The following SNAP23 variants were observed in gnomAD, a reference collection of about 807,000 sequenced individuals.
SNAP23 encodes the protein synaptosome associated protein 23, also known as synaptosomal-associated protein 23.
SNAP23 carries 11 observed loss-of-function variants against 29.0 expected under a neutral mutation model. That is an observed-to-expected ratio of 0.38 (90% CI 0.24 to 0.63). SNAP23 has a LOEUF of 0.63. Among genes scored for constraint, SNAP23 ranks in the 20% least tolerant of loss-of-function variants. The probability of loss-of-function intolerance (pLI) is 0.58; values close to 1 mark genes in which losing one functional copy is unlikely to be tolerated. For synonymous variants in SNAP23, 60 were observed against 82.9 expected, an observed-to-expected ratio of 0.72 and a Z score of 1.50; for missense variants, 220 against 253.9, an observed-to-expected ratio of 0.87 and a Z score of 0.91.
At chr15:42,499,071 TC>T (rs916390545) in intron 1 of SNAP23, among the ~76,000 whole-genome samples, 18 of 151,514 alleles carry the variant, frequency 1.2e-4, no homozygotes, top group African/African-American at 4.1e-4. Flanking sequence ...AAAGGTCACA[TC>T]TTTTTTTTTT....
chr15:42,523,789 CT>C (rs1014753429), intron 5 of SNAP23, among the ~76,000 whole-genome samples: 5 of 151,876 alleles, frequency 3.3e-5, no homozygotes, highest in East Asian at 1.9e-4. Flanking sequence ...AATGCTGTTA[CT>C]TTTTTGTTTT....
chr15:42,500,973 A>T (rs1385135576), intron 1 of SNAP23, among the ~76,000 whole-genome samples: 1 of 152,188 alleles, frequency 6.6e-6, no homozygotes, highest in African/African-American at 2.4e-5. Context: ...TCTGTAACTT[A>T]GATGTAAAGT....
intron 1 of SNAP23, among the ~76,000 whole-genome samples, chr15:42,497,977 C>T (rs2141496735): frequency 6.6e-6 from 1 of 152,328 alleles, no homozygotes; most frequent in South Asian, 2.1e-4. Flanking sequence ...TCTCCTTAGA[C>T]TCCATGTCTC....
intron 5 of SNAP23, among the ~76,000 whole-genome samples, chr15:42,516,679 T>C (rs1208401072): frequency 6.6e-6 from 1 of 152,190 alleles, no homozygotes; most frequent in Non-Finnish European, 1.5e-5. Context: ...TTTCATCCAG[T>C]TCTCAGCTGG....
chr15:42,514,851 A>G (rs558825012), intron 4 of SNAP23, among the ~76,000 whole-genome samples: 1 of 152,006 alleles, frequency 6.6e-6, no homozygotes, highest in East Asian at 1.9e-4. Context: ...TACGGCACCC[A>G]TCACCACACC....
chr15:42,493,437 C>A (rs1189427615), upstream of SNAP23, among the ~76,000 whole-genome samples: 1 of 151,986 alleles, frequency 6.6e-6, no homozygotes, highest in Non-Finnish European at 1.5e-5. Context: ...GTAGTACCCA[C>A]CCCCGTTTCC....
chr15:42,529,814 GA>G lies in SNAP23; in HGVS notation c.566del (p.Asp189AlafsTer41). On this transcript the variant is annotated frameshift_variant, in exon 7 of 8. Coordinates refer to ENST00000249647, the MANE Select transcript of SNAP23 (RefSeq NM_003825.4). LOFTEE classifies it high-confidence loss of function. ...AAATCCACAAATAAAACGAATCACA[GA>G]CAAGGTAAAAGCTTTTTATTGCCAC... ...AQNPQIKRITDKADTNRDRID... is the reference protein window; with the variant it reads ...AQNPQIKRITXKADTNRDRID... 1 of 1,611,270 alleles carries G rather than the reference GA, an allele frequency of 6.2e-7. No homozygotes were observed. The highest frequency in any genetic ancestry group is 8.5e-7 in the Non-Finnish European group (1 of 1,179,382).
chr15:42,497,308 A>G (rs890867506), intron 1 of SNAP23, among the ~76,000 whole-genome samples: 2 of 149,942 alleles, frequency 1.3e-5, no homozygotes, highest in Admixed American at 1.3e-4. Flanking sequence ...TCCCAGGGTC[A>G]AGCAATTCTT....
At chr15:42,531,368 TAG>T (rs1414796087) in intron 7 of SNAP23, 43 bp from the exon 8 acceptor site, 3 of 1,327,472 alleles carry the variant, frequency 2.3e-6, no homozygotes, top group Non-Finnish European at 3.0e-6. Flanking sequence ...TAATTTTTAT[TAG>T]AGTTACTTAC....
intron 5 of SNAP23, among the ~76,000 whole-genome samples, chr15:42,526,275 T>G (rs2057501731): frequency 6.6e-6 from 1 of 152,220 alleles, no homozygotes; most frequent in Admixed American, 6.5e-5. Context: ...ATGTGAATAT[T>G]TATTTTAAAA....
At chr15:42,529,919 C>A in intron 7 of SNAP23, 100 bp downstream of exon 7, 1 of 1,286,536 alleles carries the variant, frequency 7.8e-7, no homozygotes, top group Non-Finnish European at 1.1e-6. Flanking sequence ...GTAGAATAAG[C>A]TCCTGTCCTC....
At chr15:42,522,381 T>C (rs568793709) in intron 5 of SNAP23, among the ~76,000 whole-genome samples, 1 of 152,342 alleles carries the variant, frequency 6.6e-6, no homozygotes, top group African/African-American at 2.4e-5. Context: ...AATACAAAAC[T>C]AACTAATATT....
intron 5 of SNAP23, among the ~76,000 whole-genome samples, chr15:42,515,848 A>G (rs1459767753): frequency 2.6e-5 from 4 of 152,242 alleles, no homozygotes; most frequent in Non-Finnish European, 5.9e-5. Flanking sequence ...AAGGCTAGGT[A>G]TACAGAACTG....
chr15:42,530,666 C>G (rs898945494), intron 7 of SNAP23, among the ~76,000 whole-genome samples: 1 of 152,078 alleles, frequency 6.6e-6, no homozygotes, highest in African/African-American at 2.4e-5. Flanking sequence ...AGAAGGATTG[C>G]TTGAGTGTAG....
At position 42,528,241 on chromosome 15, in the gene SNAP23, A is replaced by G. The variant is rs551795039; in HGVS notation, c.267-21A>G. On this transcript the variant is annotated intron_variant, in intron 5 of 7. Transcript: ENST00000249647. ...GTCTTCTTTTTTTTGGTATCTCCCTACACTCCTGACTCTTATATAGAACAA... is the reference window on the plus strand; with the variant it reads ...GTCTTCTTTTTTTTGGTATCTCCCTGCACTCCTGACTCTTATATAGAACAA... 10 of 1,610,168 alleles carry G rather than the reference A, an allele frequency of 6.2e-6. No individual in the cohort carries two copies. In the East Asian group the frequency reaches 8.9e-5, roughly 14 times the overall value.
upstream of SNAP23, among the ~76,000 whole-genome samples, chr15:42,493,624 A>G (rs995869276): frequency 6.6e-6 from 1 of 152,060 alleles, no homozygotes; most frequent in Non-Finnish European, 1.5e-5. Context: ...TGCTTGAGAA[A>G]TTTACACAGG....
At chr15:42,512,413 C>CT (rs1479741710) in intron 2 of SNAP23, 1 of 125,778 alleles carries the variant, frequency 8.0e-6, no homozygotes, top group Non-Finnish European at 1.6e-5. Context: ...GAGTCTCACT[C>CT]TATTGCCCAG....
chr15:42,527,004 A>G (rs2057509790), intron 5 of SNAP23, among the ~76,000 whole-genome samples: 1 of 151,924 alleles, frequency 6.6e-6, no homozygotes, highest in Non-Finnish European at 1.5e-5. Flanking sequence ...CACCCAGCTA[A>G]TTTTTGTATT....
intron 5 of SNAP23, among the ~76,000 whole-genome samples, chr15:42,526,924 G>A (rs549445478): frequency 4.7e-5 from 7 of 150,504 alleles, no homozygotes; most frequent in East Asian, 2.0e-4. Context: ...TGCAACCTCC[G>A]CCTCCTGGGT....
Sources: gnomAD v4.1 joint callset for allele counts (sites outside exome capture counted in the v4.1 genomes callset) on GRCh38, gnomAD v4.1.1 for gene constraint, MANE v1.5 for transcripts, NCBI Gene and HGNC (gene_info 2026-07-23, HGNC 2026-07-21) for gene names.